The following WDR36 variants were observed in gnomAD, a reference collection of about 807,000 sequenced individuals.
The protein encoded by WDR36 is WD repeat domain 36.
WDR36 carries 63 observed loss-of-function variants against 112.7 expected under a neutral mutation model. The observed-to-expected ratio is 0.56, with a 90% confidence interval of 0.46 to 0.69. The LOEUF (loss-of-function observed/expected upper bound fraction) is 0.69, where lower values mean the gene tolerates loss of function less well. Ranked by LOEUF, WDR36 falls within the 30% of genes least tolerant of loss-of-function variation. WDR36 has a pLI of 0.00. For missense variants in WDR36, 1,226 were observed against 1,070.3 expected, an observed-to-expected ratio of 1.15 and a Z score of -2.03; for synonymous variants, 410 against 362.2, an observed-to-expected ratio of 1.13 and a Z score of -1.50.
In WDR36 at chr5:111,110,898, A is replaced by G; in HGVS notation, c.1552A>G (p.Ile518Val). The G allele has an allele frequency of 4.3e-6, 7 of 1,611,684 alleles. No individual in the cohort carries two copies. The highest frequency in any genetic ancestry group is 5.9e-6 in the Non-Finnish European group (7 of 1,178,548). ...CTGGAACTTTAAAAACAAAATTTTAATCCATTCTGTGAGCCTCAGTTCATC... is the reference window on the plus strand; with the variant it reads ...CTGGAACTTTAAAAACAAAATTTTAGTCCATTCTGTGAGCCTCAGTTCATC... ...KFWNFKNKIL[I>V]HSVSLSSSPN... Residue 518 changes from isoleucine to valine, a missense_variant, in exon 14 of 23, where the codon ATC becomes GTC. Coordinates refer to ENST00000513710, the MANE Select transcript of WDR36 (RefSeq NM_139281.3).
In WDR36 at chr5:111,125,679, C is replaced by A. The variant is rs1309358467; in HGVS notation, c.2422C>A (p.Pro808Thr). Residue 808 changes from proline (P) to threonine (T), a missense_variant, in exon 22 of 23, where the codon CCT becomes ACT. Pro to Thr is a conservative substitution (Grantham distance 38, BLOSUM62 -1). Coordinates refer to ENST00000513710, the MANE Select transcript of WDR36 (RefSeq NM_139281.3). ...GIETELRSLS[P>T]DCGGSIEVMQ... is the part of the protein sequence containing the mutation. ...TGAAACAGAGCTGCGAAGCTTGTCTCCTGATTGTGGTGGGTCCATAGAAGT... is the reference window on the plus strand; with the variant it reads ...TGAAACAGAGCTGCGAAGCTTGTCTACTGATTGTGGTGGGTCCATAGAAGT... The A allele has an allele frequency of 6.2e-7, 1 of 1,613,864 alleles. No individual in the cohort carries two copies.
intron 16 of WDR36, among the ~76,000 whole-genome samples, chr5:111,115,883 A>G (rs1441365169): frequency 3.3e-5 from 5 of 152,128 alleles, no homozygotes; most frequent in Non-Finnish European, 7.4e-5. Context: ...TTCCTCTGCC[A>G]CTACCACCAC....
chr5:111,104,571 G>A (rs1753187006), intron 8 of WDR36, 126 bp from the exon 9 acceptor site: 2 of 1,476,908 alleles, frequency 1.4e-6, no homozygotes. Context: ...TCCCTCCCTT[G>A]TAGCTCCAGA....
intron 2 of WDR36, 101 bp downstream of exon 2, chr5:111,095,048 A>C: frequency 9.2e-7 from 1 of 1,082,204 alleles, no homozygotes; most frequent in East Asian, 2.6e-5. Flanking sequence ...CCAAGGTAAC[A>C]TGTATGTCTT....
intron 5 of WDR36, among the ~76,000 whole-genome samples, chr5:111,101,089 C>G (rs1275399864): frequency 2.0e-5 from 3 of 151,906 alleles, no homozygotes; most frequent in Admixed American, 6.6e-5. Flanking sequence ...GGGACTTGAG[C>G]ATCTGTGAAT....
chr5:111,095,762 C>G (rs781032522), intron 2 of WDR36, among the ~76,000 whole-genome samples: 2 of 152,160 alleles, frequency 1.3e-5, no homozygotes, highest in African/African-American at 4.8e-5. Flanking sequence ...CATAGTCAGC[C>G]TATAGTGATT....
In WDR36 at chr5:111,113,143, C is replaced by T. The variant is rs755223847; in HGVS notation, c.1786C>T (p.Pro596Ser). Residue 596 changes from proline (P) to serine (S), a missense_variant, in exon 16 of 23, where the codon CCT (proline) becomes TCT (serine). Physicochemically the swap from Pro to Ser is moderately conservative, Grantham distance 74 (BLOSUM62 -1). Coordinates refer to ENST00000513710, the MANE Select transcript of WDR36 (RefSeq NM_139281.3). ...MDCSIRTWDL[P>S]SGCLIDCFLL... ...TTGCTCTATTAGGACTTGGGACCTT[C>T]CTTCTGGGTGGTAAGTTTATATTTC... 2.5e-6 allele frequency: 4 copies of T among 1,584,714 alleles called. No individual in the cohort carries two copies. The highest frequency in any genetic ancestry group is 2.6e-6 in the Non-Finnish European group (3 of 1,161,308).
intron 19 of WDR36, among the ~76,000 whole-genome samples, chr5:111,123,064 G>A (rs901279688): frequency 2.6e-5 from 4 of 151,684 alleles, no homozygotes; most frequent in Admixed American, 6.6e-5. Context: ...AGCTGAGATC[G>A]CACCACTTCA....
At position 111,126,779 on chromosome 5, in the gene WDR36, A is replaced by G; in HGVS notation, c.2584A>G (p.Ile862Val). 1.9e-6 allele frequency: 3 copies of G among 1,613,832 alleles called. No individual in the cohort carries two copies. The highest frequency in any genetic ancestry group is 2.5e-6 in the Non-Finnish European group (3 of 1,179,842). ...LPSEPVLLEE[I>V]TNLSSQVEEN... The stretch of plus-strand genomic sequence containing the variant: ...TTCAGAGCCAGTACTCCTAGAAGAA[A>G]TAACAAATTTGTCATCCCAGGTGGA... Residue 862 changes from isoleucine to valine, a missense_variant, in exon 23 of 23, where the codon ATA becomes GTA. Transcript: ENST00000513710.
chr5:111,104,430 C>T lies in WDR36; in HGVS notation c.906+78C>T, dbSNP rs1480655355. ...TTATTACAAGCTTGTTTTAATGTAT[C>T]AGCTTTCAACCTAGAAGATGAAAGG... On this transcript the variant is annotated intron_variant, in intron 8 of 22. Coordinates refer to ENST00000513710, the MANE Select transcript of WDR36 (RefSeq NM_139281.3). 12 of 1,571,422 alleles carry T rather than the reference C, an allele frequency of 7.6e-6. No individual in the cohort carries two copies. The East Asian group carries it at 2.7e-4, about 35-fold the overall frequency.
In WDR36 at chr5:111,125,666, G is replaced by T. The variant is rs1282398435; in HGVS notation, c.2409G>T (p.Leu803=). 6.2e-7 allele frequency: 1 copy of T among 1,613,898 alleles called. No homozygotes were observed. Among genetic ancestry groups the T allele is most frequent in the South Asian group, 1.1e-5 (1 of 91,072 alleles). The stretch of plus-strand genomic sequence containing the variant: ...GCCCATCAGGAATTGAAACAGAGCT[G>T]CGAAGCTTGTCTCCTGATTGTGGTG... The part of the protein sequence containing the change: ...ESGPSGIETE[L]RSLSPDCGGS... Residue 803 remains leucine (L), a synonymous_variant, in exon 22 of 23, where the codon CTG becomes CTT. Coordinates refer to ENST00000513710, the MANE Select transcript of WDR36 (RefSeq NM_139281.3).
In WDR36 at chr5:111,106,121, A is replaced by C. The variant is rs1561704389; in HGVS notation, c.1158A>C (p.Pro386=). The change falls in exon 11 of 23, where the codon CCA becomes CCC. Residue 386 remains proline, a synonymous_variant. Transcript: ENST00000513710. ...AGAATACCATGTCAGTGAGACTTCC[A>C]CCCATCACAAAGTTTGCAGCAGGTA... ...GLQNTMSVRL[P]PITKFAAEEA... 3 of 1,609,994 alleles carry C rather than the reference A, an allele frequency of 1.9e-6. No homozygotes were observed. Among genetic ancestry groups the C allele is most frequent in the Non-Finnish European group, 1.7e-6 (2 of 1,177,112 alleles).
At chr5:111,112,729 G>T (rs1288845748) in intron 15 of WDR36, among the ~76,000 whole-genome samples, 1 of 151,736 alleles carries the variant, frequency 6.6e-6, no homozygotes, top group Non-Finnish European at 1.5e-5. Flanking sequence ...AGAAAAGTAA[G>T]CCCTTATCAC....
At chr5:111,119,966 C>T (rs1409082758) in intron 17 of WDR36, among the ~76,000 whole-genome samples, 23 of 151,970 alleles carry the variant, frequency 1.5e-4, no homozygotes, top group Admixed American at 1.5e-3. Context: ...ATTCCAGATT[C>T]ATAAGGTGTG....
At chr5:111,112,783 A>C (rs542424963) in intron 15 of WDR36, among the ~76,000 whole-genome samples, 136 of 151,920 alleles carry the variant, frequency 9.0e-4, no homozygotes, top group African/African-American at 3.1e-3. Flanking sequence ...TTGTGATTTG[A>C]AAATTAATGC....
At chr5:111,110,027 C>T (rs779069477) in intron 12 of WDR36, among the ~76,000 whole-genome samples, 162 bp from the exon 13 acceptor site, 8 of 151,134 alleles carry the variant, frequency 5.3e-5, no homozygotes, top group Non-Finnish European at 8.9e-5. Context: ...TTCTTATACA[C>T]CCAAATATAA....
intron 16 of WDR36, among the ~76,000 whole-genome samples, chr5:111,113,936 A>G (rs1380198154): frequency 6.6e-6 from 1 of 152,158 alleles, no homozygotes; most frequent in African/African-American, 2.4e-5. Context: ...ATCACCTCTT[A>G]AAGGCACTCC....
chr5:111,129,030 G>A lies in WDR36; in HGVS notation c.*2147G>A, dbSNP rs527887824. ...ATGTATAGTTACGATTTTTACATAC[G>A]TGTATGTATATTATTGTACAACTTG... On this transcript the variant is annotated 3_prime_UTR_variant, in exon 23 of 23. Transcript: ENST00000513710. 110 of 194,794 alleles carry A rather than the reference G, an allele frequency of 5.6e-4. 1 individual carries two copies. Among genetic ancestry groups the A allele is most frequent in the African/African-American group, 2.2e-3 (96 of 43,286 alleles). 12.1% of individuals were successfully genotyped at this position (194,794 alleles called of 1,614,324 possible).
chr5:111,095,864 ACTAT>A (rs553427782), intron 2 of WDR36, among the ~76,000 whole-genome samples: 404 of 152,202 alleles, frequency 2.7e-3, no homozygotes, highest in Non-Finnish European at 4.4e-3. Context: ...TTTTTTTTAA[ACTAT>A]CTAATAGAAT....
Sources: allele counts gnomAD v4.1 joint callset (sites outside exome capture counted in the v4.1 genomes callset), GRCh38; gene constraint gnomAD v4.1.1; transcripts MANE v1.5; gene names NCBI Gene and HGNC (gene_info 2026-07-23, HGNC 2026-07-21).